DLG2: variants seen among roughly 807,000 people sequenced by gnomAD.
DLG2 encodes discs large MAGUK scaffold protein 2, also known as disks large homolog 2.
DLG2 carries 45 observed loss-of-function variants against 132.5 expected under a neutral mutation model. That is an observed-to-expected ratio of 0.34 (90% CI 0.27 to 0.44). The LOEUF (loss-of-function observed/expected upper bound fraction) is 0.44, where lower values mean the gene tolerates loss of function less well. Among genes scored for constraint, DLG2 ranks in the 20% least tolerant of loss-of-function variants. DLG2 has a pLI of 1.00. For missense variants in DLG2, 1,045 were observed against 1,196.9 expected (o/e 0.87, Z 1.87); for synonymous variants, 424 against 419.6 (o/e 1.01, Z -0.13).
chr11:84,986,706 CA>C (rs1275933433), intron 6 of DLG2, among the ~76,000 whole-genome samples: 1 of 152,114 alleles, frequency 6.6e-6, no homozygotes, highest in Non-Finnish European at 1.5e-5. Context: ...TGACAAAATT[CA>C]GCGTATTTTT....
chr11:84,446,343 C>T (rs573556427), intron 7 of DLG2, among the ~76,000 whole-genome samples: 2 of 151,776 alleles, frequency 1.3e-5, no homozygotes, highest in African/African-American at 4.8e-5. Context: ...ATTTTTATTC[C>T]CTAATTTTCC....
chr11:84,597,827 T>C (rs2099567007), intron 6 of DLG2, among the ~76,000 whole-genome samples: 1 of 152,194 alleles, frequency 6.6e-6, no homozygotes, highest in African/African-American at 2.4e-5. Context: ...ATCTATGAAG[T>C]ATTCTTGCCA....
chr11:84,419,334 T>A (rs2098940670), intron 7 of DLG2, among the ~76,000 whole-genome samples: 1 of 152,220 alleles, frequency 6.6e-6, no homozygotes, highest in African/African-American at 2.4e-5. Context: ...CCCCAATATC[T>A]ATCCTTATGC....
At chr11:85,324,923 C>A (rs895481281) in intron 3 of DLG2, among the ~76,000 whole-genome samples, 1 of 147,460 alleles carries the variant, frequency 6.8e-6, no homozygotes, top group East Asian at 2.0e-4. Flanking sequence ...GCGCACCGTG[C>A]GCGAGCCGAA....
intron 9 of DLG2, among the ~76,000 whole-genome samples, chr11:84,134,361 A>AT (rs2094526481): frequency 6.6e-6 from 1 of 152,092 alleles, no homozygotes; most frequent in African/African-American, 2.4e-5. Context: ...GCTCACACAA[A>AT]AGAATACAGG....
intron 6 of DLG2, among the ~76,000 whole-genome samples, chr11:85,074,713 T>C (rs2066299310): frequency 6.6e-6 from 1 of 151,826 alleles, no homozygotes; most frequent in African/African-American, 2.4e-5. Context: ...TTCAAGAATA[T>C]AGGAGGAGAC....
intron 7 of DLG2, among the ~76,000 whole-genome samples, chr11:84,399,551 G>A (rs2098822446): frequency 1.3e-5 from 2 of 152,146 alleles, no homozygotes; most frequent in South Asian, 2.1e-4. Flanking sequence ...TCAGCCTCAC[G>A]AGTAGCTGGG....
chr11:84,646,938 T>C (rs775280083), intron 6 of DLG2, among the ~76,000 whole-genome samples: 1 of 152,144 alleles, frequency 6.6e-6, no homozygotes, highest in East Asian at 1.9e-4. Context: ...TTCTCTGTCA[T>C]CAAAGGGCTT....
Position 84,510,384 on chromosome 11 carries a change from T to C in DLG2, c.519+24186A>G, listed in dbSNP as rs560530927. On this transcript the variant is annotated intron_variant, in intron 7 of 27. Coordinates refer to ENST00000376104, the MANE Select transcript of DLG2 (RefSeq NM_001142699.3). ...AAAGTGAGTTTAGAAACAATAATCT[T>C]GCCCAATCATGCTATCAATAAATGA... 1.7e-3 allele frequency among the ~76,000 whole-genome samples: 265 copies of C among 152,176 alleles called. 2 individuals are homozygous for C. The highest frequency in any genetic ancestry group is 3.3e-3 in the Non-Finnish European group (222 of 67,958).
At chr11:83,734,852 G>A (rs1483787445) in intron 18 of DLG2, among the ~76,000 whole-genome samples, 4 of 151,996 alleles carry the variant, frequency 2.6e-5, no homozygotes, top group Non-Finnish European at 4.4e-5. Flanking sequence ...AATTATGTGT[G>A]CCTATGTATC....
chr11:83,784,234 T>C (rs529325758), intron 18 of DLG2, among the ~76,000 whole-genome samples: 1 of 152,366 alleles, frequency 6.6e-6, no homozygotes, highest in East Asian at 1.9e-4. Context: ...TGAGGCACTC[T>C]TCATTTCATT....
intron 6 of DLG2, among the ~76,000 whole-genome samples, chr11:84,958,995 G>T (rs1591835683): frequency 1.3e-5 from 2 of 152,078 alleles, no homozygotes; most frequent in East Asian, 3.9e-4. Context: ...TGGCATCTGG[G>T]TCCTTTGGAC....
chr11:83,585,625 T>A (rs1352740861), intron 19 of DLG2, among the ~76,000 whole-genome samples: 1 of 152,230 alleles, frequency 6.6e-6, no homozygotes, highest in Non-Finnish European at 1.5e-5. Flanking sequence ...AATTAACACA[T>A]GAACAACATT....
intron 11 of DLG2, among the ~76,000 whole-genome samples, chr11:84,043,195 A>G (rs985403883): frequency 6.6e-6 from 1 of 151,412 alleles, no homozygotes; most frequent in African/African-American, 2.4e-5. Flanking sequence ...GCTTAAATAA[A>G]TTAAATAAAT....
chr11:84,173,149 GTTAC>G (rs1400839667), intron 8 of DLG2, among the ~76,000 whole-genome samples: 1 of 152,156 alleles, frequency 6.6e-6, no homozygotes, highest in African/African-American at 2.4e-5. Flanking sequence ...AACAAATATA[GTTAC>G]TTAGTATGTT....
chr11:83,908,669 T>C (rs1565596034), intron 15 of DLG2, among the ~76,000 whole-genome samples: 1 of 152,142 alleles, frequency 6.6e-6, no homozygotes, highest in Non-Finnish European at 1.5e-5. Flanking sequence ...TAAGTATTTG[T>C]TGAATTAAAG....
intron 11 of DLG2, among the ~76,000 whole-genome samples, chr11:84,009,217 T>TAGA (rs1180626524): frequency 6.6e-6 from 1 of 151,946 alleles, no homozygotes; most frequent in Admixed American, 6.6e-5. Context: ...GGAATATGCC[T>TAGA]AGAAGTTTCG....
intron 3 of DLG2, among the ~76,000 whole-genome samples, chr11:85,335,305 G>A (rs1419492629): frequency 6.6e-6 from 1 of 151,890 alleles, no homozygotes; most frequent in Non-Finnish European, 1.5e-5. Flanking sequence ...TGAGCTATGG[G>A]TGTCACTGCA....
intron 6 of DLG2, among the ~76,000 whole-genome samples, chr11:85,017,961 T>C (rs1421446723): frequency 1.3e-5 from 2 of 152,194 alleles, no homozygotes; most frequent in East Asian, 3.9e-4. Context: ...GGGCCTTCAT[T>C]TCTCTTGGAA....
Sources: gnomAD v4.1 joint callset for allele counts (sites outside exome capture counted in the v4.1 genomes callset) on GRCh38, gnomAD v4.1.1 for gene constraint, MANE v1.5 for transcripts, NCBI Gene and HGNC (gene_info 2026-07-23, HGNC 2026-07-21) for gene names.